Variants in SHANK2 observed in about 807,000 individuals in gnomAD.
The protein encoded by SHANK2 is SH3 and multiple ankyrin repeat domains protein 2.
A neutral mutation model predicts 133.7 loss-of-function variants in SHANK2; 43 were observed. The observed-to-expected ratio is 0.32, with a 90% CI of 0.25 to 0.41. SHANK2 has a LOEUF of 0.41. SHANK2 is among the 10% of genes least tolerant of loss of function. SHANK2 has a pLI of 1.00. For synonymous variants in SHANK2, 1,017 were observed against 952.8 expected, an observed-to-expected ratio of 1.07 and a Z score of -1.24; for missense variants, 1,994 against 2,235.8, an observed-to-expected ratio of 0.89 and a Z score of 2.18.
intron 10 of SHANK2, among the ~76,000 whole-genome samples, chr11:70,917,818 C>A (rs1360154771): frequency 1.3e-5 from 2 of 152,058 alleles, no homozygotes; most frequent in Non-Finnish European, 2.9e-5. Context: ...AACACATGGA[C>A]ACATAGAGAA....
chr11:70,762,771 A>G (rs988992999), intron 14 of SHANK2, among the ~76,000 whole-genome samples: 1 of 152,210 alleles, frequency 6.6e-6, no homozygotes, highest in Non-Finnish European at 1.5e-5. Flanking sequence ...GCAAGAGGTG[A>G]GGGGCATTAA....
At chr11:71,169,614 T>TG (rs1386424531) in intron 2 of SHANK2, among the ~76,000 whole-genome samples, 2 of 151,828 alleles carry the variant, frequency 1.3e-5, no homozygotes, top group Non-Finnish European at 2.9e-5. Flanking sequence ...AGCCAGGTGT[T>TG]GGGGGAGGTG....
intron 14 of SHANK2, among the ~76,000 whole-genome samples, chr11:70,712,279 C>G (rs901629388): frequency 7.2e-5 from 11 of 152,194 alleles, no homozygotes. Context: ...TGGGGTCACA[C>G]TGAACCCATC....
chr11:71,223,848 T>G (rs1385201014), intron 2 of SHANK2, among the ~76,000 whole-genome samples: 2 of 152,120 alleles, frequency 1.3e-5, no homozygotes, highest in African/African-American at 4.8e-5. Context: ...CCTGCACCAC[T>G]CATCTGTCTG....
intron 24 of SHANK2, 60 bp downstream of exon 24, chr11:70,489,268 C>T (rs2058853392): frequency 6.5e-7 from 1 of 1,534,840 alleles, no homozygotes; most frequent in Admixed American, 1.7e-5. Context: ...AAGAATACAC[C>T]TTATAAAGTA....
chr11:70,737,115 AC>A (rs782057955), intron 14 of SHANK2, among the ~76,000 whole-genome samples: 2 of 151,512 alleles, frequency 1.3e-5, no homozygotes, highest in Non-Finnish European at 2.9e-5. Flanking sequence ...CCCCTCAGAG[AC>A]TCCTGGGACT....
intron 12 of SHANK2, 44 bp downstream of exon 12, chr11:70,820,320 A>G (rs782473307): frequency 1.0e-5 from 6 of 597,110 alleles, no homozygotes; most frequent in African/African-American, 7.6e-5. Flanking sequence ...TGGGACCCCC[A>G]GCACGTGGCG....
chr11:70,581,584 G>C (rs1022634877), intron 17 of SHANK2, among the ~76,000 whole-genome samples: 1 of 152,300 alleles, frequency 6.6e-6, no homozygotes, highest in East Asian at 1.9e-4. Context: ...CCAGCTACTC[G>C]GGAGGCTGAG....
rs1953427827 is a variant in SHANK2, at chr11:71,175,718, AACATAT to A, written c.-12-28386_-12-28381del. The stretch of plus-strand genomic sequence containing the variant: ...CACCAAAATATGTAAAAAGAAAAAT[AACATAT>A]ATTTTCAAAGTATAGGACAGGATGC... On this transcript the variant is annotated intron_variant, in intron 2 of 25. Coordinates refer to ENST00000601538, the MANE Select transcript of SHANK2 (RefSeq NM_012309.5). This position sits in a 1 kb window ranked among gnomAD's most constrained non-coding sequence, Gnocchi z 4.2. Among the ~76,000 whole-genome samples the A allele has an allele frequency of 6.6e-6, 1 of 152,222 alleles. No homozygotes were observed. Among genetic ancestry groups the A allele is most frequent in the Non-Finnish European group, 1.5e-5 (1 of 68,044 alleles).
At chr11:70,919,508 G>A (rs531686972) in intron 10 of SHANK2, among the ~76,000 whole-genome samples, 6 of 151,874 alleles carry the variant, frequency 4.0e-5, no homozygotes, top group East Asian at 3.9e-4. Context: ...TCAGCCTCCC[G>A]AATAGCTGGG....
Position 70,487,123 on chromosome 11 carries a change from G to A in SHANK2, c.3170C>T (p.Pro1057Leu). 1 of 1,612,014 alleles carries A rather than the reference G, an allele frequency of 6.2e-7. No individual in the cohort carries two copies. Among genetic ancestry groups the A allele is most frequent in the Non-Finnish European group, 8.5e-7 (1 of 1,180,004 alleles). The change falls in exon 25 of 26, where the codon CCC becomes CTC. Residue 1057 changes from proline to leucine, a missense_variant. Around this residue, in one of 5 missense-constraint regions of SHANK2, gnomAD observed 488 missense variants for 642.6 expected, o/e 0.76. Transcript: ENST00000601538. This position sits in a 1 kb window ranked among gnomAD's most constrained non-coding sequence, Gnocchi z 5.8. ...CTGGCTCGGTGGCTCCGGGGCCTGG[G>A]GGTCGATCTCCATGCTGCTGCCCTG... is the stretch of plus-strand genomic sequence containing the variant. ...SSQGSSMEID[P>L]QAPEPPSQLR...
intron 9 of SHANK2, among the ~76,000 whole-genome samples, chr11:71,065,827 G>C (rs1440430837): frequency 3.4e-5 from 4 of 117,834 alleles, no homozygotes; most frequent in Non-Finnish European, 7.2e-5. Flanking sequence ...GGGGAAGTTG[G>C]GGGCGGGGCA....
At chr11:71,162,411 C>T (rs1320326545) in intron 2 of SHANK2, among the ~76,000 whole-genome samples, 1 of 139,480 alleles carries the variant, frequency 7.2e-6, no homozygotes, top group African/African-American at 2.5e-5. Flanking sequence ...CCAATTACCT[C>T]CCAAAGGCCC....
chr11:70,866,766 T>C (rs191791842), intron 11 of SHANK2, among the ~76,000 whole-genome samples: 23 of 152,278 alleles, frequency 1.5e-4, no homozygotes, highest in Admixed American at 1.5e-3. Context: ...AGTTTTCCTA[T>C]GTCTACCCGG....
chr11:70,635,246 T>C (rs1017355434), intron 17 of SHANK2: 2 of 152,142 alleles, frequency 1.3e-5, no homozygotes, highest in Admixed American at 6.5e-5. Context: ...AAGAGATATC[T>C]GCACACCCGC....
At chr11:70,846,163 G>A (rs1007477291) in intron 11 of SHANK2, among the ~76,000 whole-genome samples, 6 of 152,076 alleles carry the variant, frequency 3.9e-5, no homozygotes, top group African/African-American at 1.4e-4. Context: ...CCGGTGGTGG[G>A]GTCTTTCTAC....
At chr11:70,797,350 T>C (rs1018641503) in intron 14 of SHANK2, among the ~76,000 whole-genome samples, 2 of 152,198 alleles carry the variant, frequency 1.3e-5, no homozygotes, top group Non-Finnish European at 2.9e-5. Context: ...GTTTGGGACA[T>C]GTCTTAACTC....
chr11:70,934,821 G>C (rs1950549641), intron 10 of SHANK2, among the ~76,000 whole-genome samples: 1 of 152,204 alleles, frequency 6.6e-6, no homozygotes, highest in African/African-American at 2.4e-5. Context: ...CGTTCAAAGA[G>C]GAGGACCTCC....
chr11:71,058,666 T>A (rs2135925900), intron 9 of SHANK2, among the ~76,000 whole-genome samples: 1 of 152,364 alleles, frequency 6.6e-6, no homozygotes, highest in African/African-American at 2.4e-5. Flanking sequence ...AAGCCTGTAC[T>A]GGGCAGATCC....
Sources: allele counts gnomAD v4.1 joint callset (sites outside exome capture counted in the v4.1 genomes callset), GRCh38; gene constraint gnomAD v4.1.1; regional missense constraint gnomAD v4.1.1; non-coding constraint Gnocchi (gnomAD v3.1); transcripts MANE v1.5; gene names NCBI Gene and HGNC (gene_info 2026-07-23, HGNC 2026-07-21).